The following CNTN4 variants were observed in gnomAD, a reference collection of about 807,000 sequenced individuals.
CNTN4 encodes contactin 4, also known as contactin-4.
Under a neutral mutation model 122.5 loss-of-function variants are expected in CNTN4, and 77 were observed. The ratio of observed to expected loss-of-function variants is 0.63; its 90% CI spans 0.52 to 0.76. The LOEUF (loss-of-function observed/expected upper bound fraction) is 0.76, where lower values mean the gene tolerates loss of function less well. Ranked by LOEUF, CNTN4 falls within the 30% of genes least tolerant of loss-of-function variation. The pLI is 0.00. For missense variants in CNTN4, 1,256 were observed against 1,259.1 expected, an observed-to-expected ratio of 1.00 and a Z score of 0.04; for synonymous variants, 512 against 447.0, an observed-to-expected ratio of 1.15 and a Z score of -1.83.
chr3:2,196,438 C>A (rs1001378045), intron 2 of CNTN4, among the ~76,000 whole-genome samples: 1 of 152,146 alleles, frequency 6.6e-6, no homozygotes, highest in Non-Finnish European at 1.5e-5. Flanking sequence ...TCAATAGACT[C>A]TTTGTGCATT....
intron 2 of CNTN4, among the ~76,000 whole-genome samples, chr3:2,170,329 AAAC>A (rs146108966): frequency 0.012 from 1,758 of 152,268 alleles, 45 homozygotes; most frequent in African/African-American, 0.04. Flanking sequence ...CAAAACAAAA[AAAC>A]AACAACAACA....
At chr3:2,759,656 A>C (rs540006252) in intron 6 of CNTN4, among the ~76,000 whole-genome samples, 148 of 151,724 alleles carry the variant, frequency 9.8e-4, no homozygotes, top group African/African-American at 3.6e-3. Context: ...TGGAGTAGCT[A>C]GTGGAGTTAC....
rs552742750 is a variant in CNTN4, at chr3:2,353,922, CAAACA to C, written c.-89+14693_-89+14697del. Among the ~76,000 whole-genome samples, 106 of 148,548 alleles carry C rather than the reference CAAACA, an allele frequency of 7.1e-4. 1 individual carries two copies. The highest frequency in any genetic ancestry group is 2.3e-3 in the African/African-American group (94 of 41,330). On this transcript the variant is annotated intron_variant, in intron 3 of 24. Coordinates refer to ENST00000418658, the MANE Select transcript of CNTN4 (RefSeq NM_175607.3). ...TCAAAAAAAACAAAAACAAAACAAACAAACAAAAAAAACATAAAGGAGTCCTCACT... is the reference window on the plus strand; with the variant it reads ...TCAAAAAAAACAAAAACAAAACAAACAAAAAAACATAAAGGAGTCCTCACT...
intron 3 of CNTN4, among the ~76,000 whole-genome samples, chr3:2,379,099 A>G (rs934709472): frequency 2.0e-5 from 3 of 152,194 alleles, no homozygotes; most frequent in Non-Finnish European, 2.9e-5. Flanking sequence ...CAATAGGCAT[A>G]TGATAGTCTT....
chr3:2,126,903 C>T (rs1042132027), intron 2 of CNTN4, among the ~76,000 whole-genome samples: 43 of 152,258 alleles, frequency 2.8e-4, no homozygotes, highest in African/African-American at 9.1e-4. Context: ...GGGAAAGCTG[C>T]ACAAGTGTGG....
chr3:2,282,366 G>A (rs1435699776), intron 2 of CNTN4, among the ~76,000 whole-genome samples: 1 of 149,174 alleles, frequency 6.7e-6, no homozygotes, highest in East Asian at 1.9e-4. Flanking sequence ...AATGTATACA[G>A]CATGCATTTT....
chr3:2,406,714 A>G (rs2047052224), intron 3 of CNTN4, among the ~76,000 whole-genome samples: 4 of 152,214 alleles, frequency 2.6e-5, no homozygotes, highest in African/African-American at 9.6e-5. Context: ...AGTTTGCCTA[A>G]CAATACAGAG....
chr3:2,287,831 C>A (rs962120875), intron 2 of CNTN4, among the ~76,000 whole-genome samples: 1 of 151,850 alleles, frequency 6.6e-6, no homozygotes, highest in Admixed American at 6.6e-5. Flanking sequence ...AAGAAGAAGG[C>A]TGATCTGATT....
intron 4 of CNTN4, among the ~76,000 whole-genome samples, chr3:2,680,103 T>C (rs2600282): frequency 0.48 from 72,759 of 151,896 alleles, 18,577 homozygotes; most frequent in African/African-American, 0.67. Context: ...TGGGTGAAAG[T>C]GAATCCCTGC....
At chr3:2,180,151 A>G (rs141153497) in intron 2 of CNTN4, among the ~76,000 whole-genome samples, 42 of 152,074 alleles carry the variant, frequency 2.8e-4, no homozygotes, top group African/African-American at 1.0e-3. Context: ...AGATGTTTTT[A>G]TGAGTTTCAA....
intron 3 of CNTN4, among the ~76,000 whole-genome samples, chr3:2,537,663 C>A (rs1422186460): frequency 6.6e-6 from 1 of 152,084 alleles, no homozygotes; most frequent in East Asian, 1.9e-4. Context: ...CCACTAGCTA[C>A]TCTCTGAAAT....
intron 4 of CNTN4, among the ~76,000 whole-genome samples, chr3:2,636,723 A>G (rs1193167918): frequency 6.6e-6 from 1 of 152,172 alleles, no homozygotes; most frequent in East Asian, 1.9e-4. Context: ...ATAAATTTTT[A>G]TAAGCATCAA....
chr3:2,690,407 G>A (rs113795158), intron 4 of CNTN4, among the ~76,000 whole-genome samples: 66 of 152,174 alleles, frequency 4.3e-4, no homozygotes, highest in African/African-American at 1.4e-3. Context: ...GTCCAGATAC[G>A]TAGCCCCACA....
chr3:2,281,856 A>G lies in CNTN4; in HGVS notation c.-144-57322A>G, dbSNP rs73804994. Among the ~76,000 whole-genome samples, 959 of 152,290 alleles carry G rather than the reference A, an allele frequency of 6.3e-3. 17 individuals carry two copies. The highest frequency in any genetic ancestry group is 0.022 in the African/African-American group (896 of 41,560). ...AGCAGTTAATTTTGAGTAATATACT[A>G]GAAGTTTGGTATTCGTGACTCTCAT... On this transcript the variant is annotated intron_variant, in intron 2 of 24. Coordinates refer to ENST00000418658, the MANE Select transcript of CNTN4 (RefSeq NM_175607.3).
chr3:2,108,384 T>C (rs964784704), intron 2 of CNTN4, among the ~76,000 whole-genome samples: 1 of 152,206 alleles, frequency 6.6e-6, no homozygotes, highest in Non-Finnish European at 1.5e-5. Flanking sequence ...ATATCTGTCA[T>C]GAGAATGACC....
intron 2 of CNTN4, among the ~76,000 whole-genome samples, chr3:2,282,925 T>C (rs1373148741): frequency 1.3e-5 from 2 of 152,136 alleles, no homozygotes; most frequent in African/African-American, 4.8e-5. Context: ...CCTTCATGTA[T>C]ATGAAATACC....
At chr3:2,368,795 C>T (rs1225412572) in intron 3 of CNTN4, among the ~76,000 whole-genome samples, 1 of 152,136 alleles carries the variant, frequency 6.6e-6, no homozygotes, top group Non-Finnish European at 1.5e-5. Flanking sequence ...CTCTGGTTAA[C>T]TTACAGCCAC....
chr3:2,626,128 G>A (rs2082175506), intron 4 of CNTN4, among the ~76,000 whole-genome samples: 1 of 152,124 alleles, frequency 6.6e-6, no homozygotes, highest in Non-Finnish European at 1.5e-5. Context: ...GTTGCTTGCT[G>A]GCCTTTTCAC....
At chr3:2,721,646 C>T (rs529670132) in intron 4 of CNTN4, among the ~76,000 whole-genome samples, 3 of 152,294 alleles carry the variant, frequency 2.0e-5, no homozygotes, top group African/African-American at 7.2e-5. Context: ...TAAGCACCCT[C>T]TTACTGCTAC....
Sources: gnomAD v4.1 joint callset for allele counts (sites outside exome capture counted in the v4.1 genomes callset) on GRCh38, gnomAD v4.1.1 for gene constraint, MANE v1.5 for transcripts, NCBI Gene and HGNC (gene_info 2026-07-23, HGNC 2026-07-21) for gene names.